Variants in KCNMB3 observed in about 807,000 individuals in gnomAD.
KCNMB3 encodes the protein calcium-activated potassium channel subunit beta-3.
A neutral mutation model predicts 11.9 loss-of-function variants in KCNMB3; 18 were observed. The observed-to-expected ratio is 1.51, with a 90% CI of 1.04 to 2.23. KCNMB3 has a LOEUF of 2.23. Ranked by LOEUF, KCNMB3 falls within the 30% of genes most tolerant of loss-of-function variation. The pLI, the probability that KCNMB3 is intolerant of heterozygous loss-of-function variation, is 0.00. For synonymous variants in KCNMB3, 78 were observed against 119.2 expected (o/e 0.65, Z 2.25); for missense variants, 247 against 329.4 (o/e 0.75, Z 1.94).
chr3:179,255,344 A>C (rs1725979832), upstream of KCNMB3, among the ~76,000 whole-genome samples: 1 of 151,992 alleles, frequency 6.6e-6, no homozygotes, highest in Non-Finnish European at 1.5e-5. Flanking sequence ...AAATAAAGGA[A>C]GGATCCAAAA....
downstream of KCNMB3, chr3:179,242,753 C>T (rs952116497): frequency 6.7e-6 from 8 of 1,197,020 alleles, no homozygotes; most frequent in East Asian, 8.4e-5. Flanking sequence ...AAATAGAATA[C>T]AAAATGAGGC....
intron 1 of KCNMB3, chr3:179,259,239 T>C (rs1201266242): frequency 2.0e-6 from 3 of 1,535,682 alleles, no homozygotes; most frequent in East Asian, 2.2e-5. Context: ...ACTAATGTCC[T>C]GTGAGGGACT....
At chr3:179,242,014 A>G (rs1189537999), downstream of KCNMB3, 2 of 154,180 alleles carry the variant, frequency 1.3e-5, no homozygotes, top group Admixed American at 1.3e-4. Context: ...GAAAAATTAC[A>G]TGGTACATGA....
intron 1 of KCNMB3, among the ~76,000 whole-genome samples, chr3:179,263,312 C>T (rs1440501319): frequency 3.9e-5 from 6 of 152,250 alleles, no homozygotes; most frequent in African/African-American, 1.2e-4. Flanking sequence ...AGTGCTGGCC[C>T]GCTGAGTCCA....
downstream of KCNMB3, chr3:179,240,104 C>G: frequency 7.1e-7 from 1 of 1,402,596 alleles, no homozygotes; most frequent in Middle Eastern, 1.8e-4. Flanking sequence ...CTTTTTGTGT[C>G]CAAACAATCC....
intron 1 of KCNMB3, chr3:179,260,028 A>G (rs1206006767): frequency 1.2e-6 from 2 of 1,612,386 alleles, no homozygotes; most frequent in Admixed American, 1.7e-5. Flanking sequence ...TTCTTTCTCT[A>G]AACTATGCCC....
Position 179,244,636 on chromosome 3 carries a change from C to G in KCNMB3, c.306G>C (p.Trp102Cys). ...TAIHTDIMDD[W>C]LDCAFTCGVH... ...CACCACAGGTGAAGGCACAGTCCAG[C>G]CAGTCGTCCATGATATCTGTGTGGA... Residue 102 changes from tryptophan (W) to cysteine (C), a missense_variant, in exon 2 of 3, where the codon TGG becomes TGC. This residue lies in a region of KCNMB3 where 160 missense variants were observed against 157.5 expected (regional missense o/e 1.02). Transcript: ENST00000392685. 6.2e-7 allele frequency: 1 copy of G among 1,614,108 alleles called. No individual in the cohort carries two copies. The highest frequency in any genetic ancestry group is 8.5e-7 in the Non-Finnish European group (1 of 1,180,006).
At chr3:179,241,938 C>T (rs1000794199), downstream of KCNMB3, 2 of 154,058 alleles carry the variant, frequency 1.3e-5, no homozygotes, top group Non-Finnish European at 2.9e-5. Flanking sequence ...ATTTTTCCCA[C>T]CAGAAAGTGC....
chr3:179,241,787 G>A (rs778325281), downstream of KCNMB3: 28 of 154,176 alleles, frequency 1.8e-4, no homozygotes, highest in Non-Finnish European at 3.8e-4. Context: ...TTTCTATTAG[G>A]TTGATGCAAA....
At chr3:179,246,532 A>G (rs955183954) in intron 1 of KCNMB3, among the ~76,000 whole-genome samples, 7 of 152,236 alleles carry the variant, frequency 4.6e-5, no homozygotes, top group Non-Finnish European at 8.8e-5. Flanking sequence ...CTTGAGACAC[A>G]CTGTGCAGTT....
At chr3:179,262,246 A>G (rs1232964550) in intron 1 of KCNMB3, among the ~76,000 whole-genome samples, 1 of 152,228 alleles carries the variant, frequency 6.6e-6, no homozygotes, top group Non-Finnish European at 1.5e-5. Context: ...CTTCTACAGA[A>G]TATATATTAT....
At chr3:179,260,219 G>T (rs1726158464) in intron 1 of KCNMB3, 1 of 1,613,652 alleles carries the variant, frequency 6.2e-7, no homozygotes, top group African/African-American at 1.3e-5. Flanking sequence ...TCCAACAGTT[G>T]GATGGCTCAA....
intron 1 of KCNMB3, chr3:179,259,642 A>T: frequency 6.2e-7 from 1 of 1,609,154 alleles, no homozygotes; most frequent in Non-Finnish European, 8.5e-7. Context: ...ATTTCACTTA[A>T]ATCTGTGTTC....
chr3:179,249,651 G>C (rs188169211), intron 1 of KCNMB3, among the ~76,000 whole-genome samples: 1 of 152,160 alleles, frequency 6.6e-6, no homozygotes. Context: ...CCAGCCTGGC[G>C]ACAGAGCAAG....
chr3:179,242,699 T>C (rs1014406794), downstream of KCNMB3: 127 of 874,586 alleles, frequency 1.5e-4, no homozygotes, highest in Admixed American at 3.2e-4. Context: ...TGGAAAGAGA[T>C]TGGGATTAGA....
chr3:179,255,670 T>C (rs1725989583), upstream of KCNMB3, among the ~76,000 whole-genome samples: 1 of 152,166 alleles, frequency 6.6e-6, no homozygotes, highest in Non-Finnish European at 1.5e-5. Context: ...TTTAAAAAGA[T>C]AGTCAAATTC....
chr3:179,261,335 C>G (rs1233355287), intron 1 of KCNMB3: 4 of 1,181,986 alleles, frequency 3.4e-6, no homozygotes, highest in East Asian at 3.8e-5. Context: ...CGGAGCCCCC[C>G]CCCGCGGGCC....
intron 1 of KCNMB3, among the ~76,000 whole-genome samples, chr3:179,263,462 C>T (rs1196816543): frequency 6.6e-6 from 1 of 152,238 alleles, no homozygotes. Flanking sequence ...TCCTCAGGCG[C>T]GGCCAGAGTG....
At position 179,251,065 on chromosome 3, in the gene KCNMB3, A is replaced by G. The variant is rs754137380; in HGVS notation, c.-75T>C. On this transcript the variant is annotated 5_prime_UTR_variant, in exon 1 of 3. Transcript: ENST00000392685. ...GTCTCGTGAGCAGGATGAATGCAAC[A>G]AAATGAAATCCCAGTTCAGAGCTTG... 13 of 1,614,128 alleles carry G rather than the reference A, an allele frequency of 8.1e-6. No homozygotes were observed. The Admixed American group carries it at 2.2e-4, about 27-fold the overall frequency.
Sources: allele counts gnomAD v4.1 joint callset (sites outside exome capture counted in the v4.1 genomes callset), GRCh38; gene constraint gnomAD v4.1.1; regional missense constraint gnomAD v4.1.1; transcripts MANE v1.5; gene names NCBI Gene and HGNC (gene_info 2026-07-23, HGNC 2026-07-21).